The following GASK1A variants were observed in gnomAD, a reference collection of about 807,000 sequenced individuals.
GASK1A encodes the protein Golgi-associated kinase 1A.
Under a neutral mutation model 41.2 loss-of-function variants are expected in GASK1A, and 40 were observed. The ratio of observed to expected loss-of-function variants is 0.97; its 90% CI spans 0.75 to 1.27. GASK1A has a LOEUF of 1.27. Ranked by LOEUF, GASK1A falls within the 50% of genes most tolerant of loss-of-function variation. The pLI is 0.00. For missense variants in GASK1A, 678 were observed against 745.1 expected (o/e 0.91, Z 1.05); for synonymous variants, 316 against 307.1 (o/e 1.03, Z -0.30).
At chr3:43,055,165 A>G (rs977707250) in intron 3 of GASK1A, among the ~76,000 whole-genome samples, 1 of 152,234 alleles carries the variant, frequency 6.6e-6, no homozygotes, top group Non-Finnish European at 1.5e-5. Context: ...CTTAACTTAA[A>G]GAAGGTGCCA....
intron 2 of GASK1A, among the ~76,000 whole-genome samples, chr3:43,043,505 A>G (rs1259015577): frequency 6.6e-6 from 1 of 152,184 alleles, no homozygotes; most frequent in Non-Finnish European, 1.5e-5. Flanking sequence ...AAAACCTTCA[A>G]CTAAGTCTCT....
At chr3:43,031,945 G>A (rs1430743421) in intron 1 of GASK1A, among the ~76,000 whole-genome samples, 1 of 152,252 alleles carries the variant, frequency 6.6e-6, no homozygotes, top group African/African-American at 2.4e-5. Flanking sequence ...ACAGACGTGA[G>A]AAAAGCCCCT....
intron 1 of GASK1A, among the ~76,000 whole-genome samples, 194 bp from the exon 2 acceptor site, chr3:43,032,073 T>G (rs138679211): frequency 1.2e-3 from 189 of 152,308 alleles, no homozygotes; most frequent in African/African-American, 4.3e-3. Flanking sequence ...AAGCCAAGCT[T>G]GAAAACAGGA....
At chr3:43,055,337 A>G in intron 3 of GASK1A, 95 bp from the exon 4 acceptor site, 1 of 802,162 alleles carries the variant, frequency 1.2e-6, no homozygotes, top group South Asian at 1.6e-5. Flanking sequence ...CTGACAGCTC[A>G]GGGCTGTCAG....
At position 43,033,090 on chromosome 3, in the gene GASK1A, A is replaced by T; in HGVS notation, c.827A>T (p.Glu276Val). 1 of 1,551,574 alleles carries T rather than the reference A, an allele frequency of 6.4e-7. No homozygotes were observed. Among genetic ancestry groups the T allele is most frequent in the Non-Finnish European group, 8.7e-7 (1 of 1,146,958 alleles). Residue 276 changes from glutamate (E) to valine (V), a missense_variant, in exon 2 of 5, where the codon GAG (glutamate) becomes GTG (valine). Physicochemically the swap from Glu to Val is moderately radical, Grantham distance 121. Coordinates refer to ENST00000430121, the MANE Select transcript of GASK1A (RefSeq NM_001129908.3). ...VQMLRLLAQG[E>V]VVDKARVPAH... ...ATGCTCCGTCTGTTGGCACAGGGGG[A>T]GGTGGTGGACAAAGCCAGGGTCCCC...
chr3:42,993,812 T>C (rs1459705434), intron 1 of GASK1A, among the ~76,000 whole-genome samples: 1 of 152,228 alleles, frequency 6.6e-6, no homozygotes, highest in African/African-American at 2.4e-5. Context: ...CCCTCAGTAA[T>C]AATAACATAT....
chr3:43,051,729 A>G (rs2089688997), intron 2 of GASK1A, among the ~76,000 whole-genome samples: 1 of 152,238 alleles, frequency 6.6e-6, no homozygotes, highest in African/African-American at 2.4e-5. Context: ...CTACCCTTCC[A>G]GGAGAAGGCT....
chr3:43,033,297 C>G lies in GASK1A; in HGVS notation c.1034C>G (p.Pro345Arg), dbSNP rs1336432882. ...GTGCTGGGGCTGCGCCGGAGCCTACCTGCTGTGGCCCGCCGCTTCCATAGC... is the reference window on the plus strand; with the variant it reads ...GTGCTGGGGCTGCGCCGGAGCCTACGTGCTGTGGCCCGCCGCTTCCATAGC... ...DRVLGLRRSLPAVARRFHSPL... is the reference protein window; with the variant it reads ...DRVLGLRRSLRAVARRFHSPL... Residue 345 changes from proline (P) to arginine (R), a missense_variant, in exon 2 of 5, where the codon CCT becomes CGT. Pro to Arg is a moderately radical substitution (Grantham distance 103). Transcript: ENST00000430121. 1 of 1,551,392 alleles carries G rather than the reference C, an allele frequency of 6.4e-7. No individual in the cohort carries two copies. The highest frequency in any genetic ancestry group is 2.0e-5 in the Admixed American group (1 of 50,996).
intron 1 of GASK1A, among the ~76,000 whole-genome samples, chr3:43,004,812 C>G (rs1454051456): frequency 6.6e-6 from 1 of 152,194 alleles, no homozygotes; most frequent in Non-Finnish European, 1.5e-5. Flanking sequence ...GGTGCGGTAA[C>G]AAATTGCTAG....
intron 1 of GASK1A, among the ~76,000 whole-genome samples, chr3:43,017,726 G>A (rs888227308): frequency 6.6e-6 from 1 of 152,130 alleles, no homozygotes; most frequent in African/African-American, 2.4e-5. Flanking sequence ...GAAGCCACAG[G>A]AAGGGGCAGC....
chr3:43,052,397 C>T (rs2089695514), intron 2 of GASK1A, among the ~76,000 whole-genome samples: 1 of 152,212 alleles, frequency 6.6e-6, no homozygotes, highest in Admixed American at 6.5e-5. Context: ...CTCCTCCTTC[C>T]ACAGCAAGAA....
rs1430059368 is a variant in GASK1A, at chr3:43,056,617, C to T, written c.*231C>T. The T allele has an allele frequency of 2.4e-5, 11 of 451,794 alleles. No homozygotes were observed. Among genetic ancestry groups the T allele is most frequent in the South Asian group, 8.2e-5 (2 of 24,436 alleles). The allele number at this position is 451,794 out of a possible 1,614,324, so 28.0% of individuals were successfully genotyped here. ...ATTCCCTTGCACCAACAAATACATTCGAAAATGTTCTGTGAGCTGCTCAAG... is the reference window on the plus strand; with the variant it reads ...ATTCCCTTGCACCAACAAATACATTTGAAAATGTTCTGTGAGCTGCTCAAG... On this transcript the variant is annotated 3_prime_UTR_variant, in exon 5 of 5. Coordinates refer to ENST00000430121, the MANE Select transcript of GASK1A (RefSeq NM_001129908.3).
intron 1 of GASK1A, among the ~76,000 whole-genome samples, chr3:43,000,650 A>C (rs1462429991): frequency 1.3e-5 from 2 of 152,262 alleles, no homozygotes; most frequent in South Asian, 4.1e-4. Context: ...CAGTAGATGA[A>C]TAAGATCAAG....
chr3:43,026,022 G>T (rs1010151345), intron 1 of GASK1A, among the ~76,000 whole-genome samples: 1 of 152,226 alleles, frequency 6.6e-6, no homozygotes. Context: ...GGAAGAGGGA[G>T]CCCAAGTTGG....
chr3:42,992,283 C>A (rs943423500), intron 1 of GASK1A, among the ~76,000 whole-genome samples: 1 of 147,548 alleles, frequency 6.8e-6, no homozygotes, highest in African/African-American at 2.4e-5. Flanking sequence ...GAGTTGTAAT[C>A]AGAACTGAAT....
chr3:42,993,923 C>T lies in GASK1A; in HGVS notation c.3+14278C>T, dbSNP rs185443763. Among the ~76,000 whole-genome samples the T allele has an allele frequency of 6.6e-5, 10 of 152,276 alleles. No homozygotes were observed. The East Asian group carries it at 1.3e-3, about 21-fold the overall frequency. On this transcript the variant is annotated intron_variant, in intron 1 of 4. Coordinates refer to ENST00000430121, the MANE Select transcript of GASK1A (RefSeq NM_001129908.3). The stretch of plus-strand genomic sequence containing the variant: ...TGTAGCTGTCTCATTCATTATCTCC[C>T]GGAATCCTCATCCTTTCAATGTTAA...
chr3:43,056,192 G>C lies in GASK1A; in HGVS notation c.1534G>C (p.Val512Leu). ...EGIDGFPESA[V>L]KVLASGCLQN... ...TTGCTCCAGGTTTCCTGAGTCTGCC[G>C]TGAAGGTTCTCGCATCAGGGTGTCT... The change falls in exon 5 of 5, where the codon GTG becomes CTG. Residue 512 changes from valine to leucine, a missense_variant. Coordinates refer to ENST00000430121, the MANE Select transcript of GASK1A (RefSeq NM_001129908.3). 6.4e-7 allele frequency: 1 copy of C among 1,551,118 alleles called. No homozygotes were observed. Among genetic ancestry groups the C allele is most frequent in the Non-Finnish European group, 8.7e-7 (1 of 1,146,554 alleles).
chr3:43,053,682 C>A (rs1214413766), intron 3 of GASK1A, 39 bp downstream of exon 3: 1 of 1,550,672 alleles, frequency 6.4e-7, no homozygotes, highest in South Asian at 1.2e-5. Context: ...CACCCCAGAC[C>A]CAGGTCTTTC....
At chr3:42,980,431 C>G (rs1010160024) in intron 1 of GASK1A, among the ~76,000 whole-genome samples, 3 of 152,244 alleles carry the variant, frequency 2.0e-5, no homozygotes, top group Non-Finnish European at 4.4e-5. Context: ...AAAACCCCTG[C>G]AACCCCAACT....
Sources: allele counts gnomAD v4.1 joint callset (sites outside exome capture counted in the v4.1 genomes callset), GRCh38; gene constraint gnomAD v4.1.1; transcripts MANE v1.5; gene names NCBI Gene and HGNC (gene_info 2026-07-23, HGNC 2026-07-21).